TECTA: variants seen among roughly 807,000 people sequenced by gnomAD.
The protein encoded by TECTA is tectorin alpha.
Under a neutral mutation model 216.8 loss-of-function variants are expected in TECTA, and 128 were observed. The ratio of observed to expected loss-of-function variants is 0.59; its 90% CI spans 0.51 to 0.68. The LOEUF is 0.68. Ranked by LOEUF, TECTA falls within the 30% of genes least tolerant of loss-of-function variation. TECTA has a pLI of 0.00. For missense variants in TECTA, 2,551 were observed against 2,786.2 expected (o/e 0.92, Z 1.90); for synonymous variants, 1,089 against 1,117.1 (o/e 0.97, Z 0.50).
chr11:121,157,512 G>A (rs1946953343), intron 13 of TECTA, among the ~76,000 whole-genome samples: 1 of 152,180 alleles, frequency 6.6e-6, no homozygotes, highest in African/African-American at 2.4e-5. Flanking sequence ...AGAATCGCTT[G>A]AGTCCAGGCG....
rs1381553407 is a variant in TECTA, at chr11:121,109,338, G to A, written c.326G>A (p.Gly109Asp). 2 of 1,613,988 alleles carry A rather than the reference G, an allele frequency of 1.2e-6. No individual in the cohort carries two copies. Among genetic ancestry groups the A allele is most frequent in the Non-Finnish European group, 1.7e-6 (2 of 1,180,030 alleles). ...GCAGATGTGCACAATGGAATTCGAG[G>A]CGAGATCTATTACAGAGAGACCATG... ...FWADVHNGIR[G>D]EIYYRETMEP... Residue 109 changes from glycine to aspartate, a missense_variant, in exon 4 of 24, where the codon GGC becomes GAC. Gly to Asp is a moderately conservative substitution (Grantham distance 94). This residue lies in a region of TECTA where 2,375 missense variants were observed against 2,563.9 expected (regional missense o/e 0.93). Transcript: ENST00000392793.
At chr11:121,124,467 T>C (rs1408478973) in intron 7 of TECTA, among the ~76,000 whole-genome samples, 14 of 152,344 alleles carry the variant, frequency 9.2e-5, no homozygotes, top group Admixed American at 8.5e-4. Context: ...CTTCTGTTTA[T>C]CTTTAAAGAC....
At position 121,166,723 on chromosome 11, in the gene TECTA, A is replaced by G; in HGVS notation, c.5529A>G (p.Glu1843=). ...NDRQCTGIEG[E]DFISFQINNT... ...GACAGTGCACCGGCATCGAGGGGGA[A>G]GATTTTATCTCCTTTCAGATCAACA... Residue 1843 remains glutamate, a synonymous_variant, in exon 18 of 24, where the codon GAA becomes GAG. Transcript: ENST00000392793. 6.2e-7 allele frequency: 1 copy of G among 1,614,180 alleles called. No homozygotes were observed. The highest frequency in any genetic ancestry group is 1.1e-5 in the South Asian group (1 of 91,084).
At chr11:121,142,905 G>T (rs907730762) in intron 11 of TECTA, among the ~76,000 whole-genome samples, 1 of 151,942 alleles carries the variant, frequency 6.6e-6, no homozygotes, top group Non-Finnish European at 1.5e-5. Context: ...CTTTCTACAG[G>T]GTCCTTCTCT....
At chr11:121,149,550 A>G (rs762594400) in intron 12 of TECTA, among the ~76,000 whole-genome samples, 1 of 152,222 alleles carries the variant, frequency 6.6e-6, no homozygotes, top group Non-Finnish European at 1.5e-5. Flanking sequence ...TGAGGGAGAT[A>G]TTATGATCCC....
intron 11 of TECTA, among the ~76,000 whole-genome samples, chr11:121,138,838 T>G (rs1946756651): frequency 6.6e-6 from 1 of 152,250 alleles, no homozygotes; most frequent in Non-Finnish European, 1.5e-5. Context: ...GCTTTAGCAT[T>G]TTAGGGAGCT....
chr11:121,152,812 A>C, intron 12 of TECTA, 69 bp from the exon 13 acceptor site: 16 of 1,487,216 alleles, frequency 1.1e-5, no homozygotes, highest in Non-Finnish European at 1.3e-5. Flanking sequence ...TAGGTGAGCA[A>C]TGGCCATGAG....
intron 7 of TECTA, among the ~76,000 whole-genome samples, chr11:121,124,707 C>T (rs1946590434): frequency 6.6e-6 from 1 of 152,116 alleles, no homozygotes; most frequent in Admixed American, 6.5e-5. Context: ...TGCTTGGTAC[C>T]TAGCAGGTGT....
chr11:121,118,819 T>C (rs1340480636), intron 7 of TECTA, 101 bp downstream of exon 7: 3 of 1,487,408 alleles, frequency 2.0e-6, no homozygotes, highest in Non-Finnish European at 2.8e-6. Context: ...TTTGTCTCTG[T>C]ACAGTGCCAA....
intron 20 of TECTA, among the ~76,000 whole-genome samples, chr11:121,185,243 G>C (rs1279441939): frequency 6.6e-6 from 1 of 152,166 alleles, no homozygotes; most frequent in Non-Finnish European, 1.5e-5. Context: ...TGTGATTATT[G>C]TTTTTTTCCA....
intron 11 of TECTA, among the ~76,000 whole-genome samples, chr11:121,140,295 C>G (rs559301338): frequency 1.3e-5 from 2 of 152,218 alleles, no homozygotes; most frequent in Admixed American, 1.3e-4. Context: ...CTACCCTTCC[C>G]TCTCCTTCAC....
intron 10 of TECTA, among the ~76,000 whole-genome samples, chr11:121,135,343 C>A (rs1388907202): frequency 6.6e-6 from 1 of 152,220 alleles, no homozygotes; most frequent in East Asian, 1.9e-4. Context: ...TCTATTACTC[C>A]ACGTCTGTGT....
At chr11:121,120,288 C>T (rs76359399) in intron 7 of TECTA, among the ~76,000 whole-genome samples, 2,223 of 152,196 alleles carry the variant, frequency 0.015, 58 homozygotes, top group African/African-American at 0.051. Context: ...AGCGACAGGG[C>T]GATGTGGGTG....
Position 121,172,336 on chromosome 11 carries a change from C to T in TECTA, c.5999+3411C>T, listed in dbSNP as rs949946598. ...TGTATCTCCTAAAGCTATCCCTCCC[C>T]GCTCTCCCCACCCCACAACAGTCCC... On this transcript the variant is annotated intron_variant, in intron 20 of 23. Coordinates refer to ENST00000392793, the MANE Select transcript of TECTA (RefSeq NM_005422.4). Among the ~76,000 whole-genome samples, 12 of 151,866 alleles carry T rather than the reference C, an allele frequency of 7.9e-5. 1 individual carries two copies. Among genetic ancestry groups the T allele is most frequent in the East Asian group, 1.9e-4 (1 of 5,200 alleles).
intron 13 of TECTA, among the ~76,000 whole-genome samples, chr11:121,155,274 T>G (rs1946930203): frequency 6.6e-6 from 1 of 152,244 alleles, no homozygotes; most frequent in Non-Finnish European, 1.5e-5. Context: ...CTCTTGTGGA[T>G]GAGTTATTTA....
intron 4 of TECTA, among the ~76,000 whole-genome samples, chr11:121,111,620 T>C (rs1946442418): frequency 6.6e-6 from 1 of 152,156 alleles, no homozygotes; most frequent in Non-Finnish European, 1.5e-5. Flanking sequence ...ACCAAAGATA[T>C]TTCCAGCTTC....
At position 121,118,464 on chromosome 11, in the gene TECTA, G is replaced by A; in HGVS notation, c.949G>A (p.Val317Met). 6.2e-7 allele frequency: 1 copy of A among 1,614,218 alleles called. No homozygotes were observed. The highest frequency in any genetic ancestry group is 1.1e-5 in the South Asian group (1 of 91,086). The change falls in exon 7 of 24, where the codon GTG (valine) becomes ATG (methionine). Residue 317 changes from valine (V) to methionine (M), a missense_variant. By Grantham distance (21) the Val-to-Met change is conservative (BLOSUM62 1). Around this residue, in one of 3 missense-constraint regions of TECTA, gnomAD observed 2,375 missense variants for 2,563.9 expected, o/e 0.93. Transcript: ENST00000392793. The part of the protein sequence containing the change: ...PKGKFFYCSA[V>M]ETSTCVVFGE... Reference sequence around the variant, plus strand: ...AGGCAAATTCTTCTACTGCAGCGCTGTGGAGACCAGCACATGCGTGGTGTT... The same window carrying A: ...AGGCAAATTCTTCTACTGCAGCGCTATGGAGACCAGCACATGCGTGGTGTT...
intron 4 of TECTA, chr11:121,110,556 A>C (rs1438793483): frequency 6.6e-6 from 1 of 152,244 alleles, no homozygotes; most frequent in Non-Finnish European, 1.5e-5. Context: ...AAGTTTAAAC[A>C]GCGATGCATT....
chr11:121,189,031 T>C, intron 21 of TECTA, 49 bp from the exon 22 acceptor site: 1 of 1,588,094 alleles, frequency 6.3e-7, no homozygotes, highest in Non-Finnish European at 8.6e-7. Context: ...GAAGAATAAG[T>C]TATCAGCTTA....
Sources: allele counts gnomAD v4.1 joint callset (sites outside exome capture counted in the v4.1 genomes callset), GRCh38; gene constraint gnomAD v4.1.1; regional missense constraint gnomAD v4.1.1; transcripts MANE v1.5; gene names NCBI Gene and HGNC (gene_info 2026-07-23, HGNC 2026-07-21).